GLG1: variants seen among roughly 807,000 people sequenced by gnomAD.
GLG1 encodes the protein Golgi apparatus protein 1.
A neutral mutation model predicts 160.5 loss-of-function variants in GLG1; 38 were observed. That is an observed-to-expected ratio of 0.24 (90% CI 0.18 to 0.31). The LOEUF (loss-of-function observed/expected upper bound fraction) is 0.31, where lower values mean the gene tolerates loss of function less well. Ranked by LOEUF, GLG1 falls within the 10% of genes least tolerant of loss-of-function variation. The probability of loss-of-function intolerance (pLI) is 1.00; values close to 1 mark genes in which losing one functional copy is unlikely to be tolerated. For synonymous variants in GLG1, 644 were observed against 543.4 expected, an observed-to-expected ratio of 1.19 and a Z score of -2.57; for missense variants, 1,373 against 1,505.2, an observed-to-expected ratio of 0.91 and a Z score of 1.45.
intron 22 of GLG1, among the ~76,000 whole-genome samples, chr16:74,460,112 C>A (rs2014729123): frequency 1.3e-5 from 2 of 151,918 alleles, no homozygotes; most frequent in Non-Finnish European, 2.9e-5. Flanking sequence ...ACCTCTGCCT[C>A]TCATGTTCAA....
Position 74,508,872 on chromosome 16 carries a change from C to T in GLG1, c.525G>A (p.Val175=). 6.5e-7 allele frequency: 1 copy of T among 1,539,472 alleles called. No individual in the cohort carries two copies. Residue 175 remains valine (V), a synonymous_variant, in exon 3 of 26, where the codon GTG becomes GTA. Coordinates refer to ENST00000422840, the MANE Select transcript of GLG1 (RefSeq NM_001145667.2). ...NLTTDPKFES[V]AREVCKSTIT... is the part of the protein sequence containing the mutation. ...TAGTAGATTTGCAAACCTCTCTGGC[C>T]ACAGATTCAAATTTGGGATCTGTAG...
chr16:74,452,675 G>A lies in GLG1; in HGVS notation c.*492C>T. On this transcript the variant is annotated 3_prime_UTR_variant, in exon 26 of 26. Coordinates refer to ENST00000422840, the MANE Select transcript of GLG1 (RefSeq NM_001145667.2). ...GAGATGAACGAGACACCTCAGTCATGGCACACTGGGTGGTGTGCTTCCCCT... is the reference window on the plus strand; with the variant it reads ...GAGATGAACGAGACACCTCAGTCATAGCACACTGGGTGGTGTGCTTCCCCT... 1.0e-6 allele frequency: 1 copy of A among 994,892 alleles called. No homozygotes were observed. Among genetic ancestry groups the A allele is most frequent in the Non-Finnish European group, 1.2e-6 (1 of 835,220 alleles). The allele number at this position is 994,892 out of a possible 1,614,324, so 61.6% of individuals were successfully genotyped here.
chr16:74,556,582 G>A (rs1409698175), intron 1 of GLG1, among the ~76,000 whole-genome samples: 1 of 152,046 alleles, frequency 6.6e-6, no homozygotes, highest in African/African-American at 2.4e-5. Flanking sequence ...TACTGGGGAG[G>A]CAGAGGTGTG....
At chr16:74,605,635 T>C (rs575987778) in intron 1 of GLG1, among the ~76,000 whole-genome samples, 5 of 152,188 alleles carry the variant, frequency 3.3e-5, no homozygotes, top group African/African-American at 9.6e-5. Flanking sequence ...TGCTTTTGTA[T>C]AGAATACTAG....
chr16:74,465,339 C>T (rs1218630178), intron 19 of GLG1, among the ~76,000 whole-genome samples: 1 of 152,200 alleles, frequency 6.6e-6, no homozygotes, highest in Non-Finnish European at 1.5e-5. Context: ...ATTAATCGTC[C>T]TCAAAACCAA....
At chr16:74,504,079 T>A (rs1293614014) in intron 3 of GLG1, among the ~76,000 whole-genome samples, 1 of 152,192 alleles carries the variant, frequency 6.6e-6, no homozygotes, top group Non-Finnish European at 1.5e-5. Context: ...AGCTTTGGCA[T>A]GGTCCTATGA....
At chr16:74,520,691 C>T (rs1399745314) in intron 2 of GLG1, among the ~76,000 whole-genome samples, 1 of 152,174 alleles carries the variant, frequency 6.6e-6, no homozygotes, top group East Asian at 1.9e-4. Context: ...TTTGGAAGAA[C>T]TGCATGCCAG....
At chr16:74,606,616 G>C in intron 1 of GLG1, 41 bp downstream of exon 1, 1 of 1,503,008 alleles carries the variant, frequency 6.7e-7, no homozygotes, top group Non-Finnish European at 8.9e-7. Flanking sequence ...CCTCGGGCCC[G>C]CACCAGGCCT....
At chr16:74,532,658 G>C (rs1379512066) in intron 1 of GLG1, among the ~76,000 whole-genome samples, 1 of 151,826 alleles carries the variant, frequency 6.6e-6, no homozygotes, top group African/African-American at 2.4e-5. Context: ...CGAGTAGCTG[G>C]GACTACAGGC....
intron 3 of GLG1, 104 bp downstream of exon 3, chr16:74,508,735 T>C (rs2143489428): frequency 1.6e-6 from 1 of 626,178 alleles, no homozygotes; most frequent in East Asian, 2.5e-5. Context: ...CAGATGTGAA[T>C]TCTAAGAAAA....
chr16:74,553,197 G>C (rs2018250393), intron 1 of GLG1, among the ~76,000 whole-genome samples: 1 of 149,576 alleles, frequency 6.7e-6, no homozygotes, highest in African/African-American at 2.5e-5. Flanking sequence ...TCCAACCTGG[G>C]CAACAAGAGC....
rs1237221188 is a variant in GLG1 at position 74,532,168 on chromosome 16, AAAG to A, written c.439-18_439-16del. The A allele has an allele frequency of 1.6e-6, 2 of 1,215,630 alleles. No individual in the cohort carries two copies. The highest frequency in any genetic ancestry group is 2.2e-6 in the Non-Finnish European group (2 of 930,186). 75.3% of individuals were successfully genotyped at this position (1,215,630 alleles called of 1,614,324 possible). A position where few individuals can be genotyped will look rare whatever the true frequency, so the allele number is the denominator to read the frequency against. On this transcript the variant is annotated splice_polypyrimidine_tract_variant and intron_variant, in intron 1 of 25. Coordinates refer to ENST00000422840, the MANE Select transcript of GLG1 (RefSeq NM_001145667.2). The stretch of plus-strand genomic sequence containing the variant: ...TCATTTTCAGGCTAGAAGAGAAAAA[AAAG>A]AAGAGATGATGTAAAAAAAAAAATA...
At chr16:74,469,732 C>A in intron 16 of GLG1, 2 of 498,760 alleles carry the variant, frequency 4.0e-6, no homozygotes, top group South Asian at 4.8e-5. Context: ...CCTACTTGGT[C>A]AGTTAGATGG....
chr16:74,600,431 G>A (rs1958414872), intron 1 of GLG1, among the ~76,000 whole-genome samples: 1 of 151,968 alleles, frequency 6.6e-6, no homozygotes, highest in Non-Finnish European at 1.5e-5. Flanking sequence ...AAAGTAGACA[G>A]TCCTTGCTTA....
intron 25 of GLG1, among the ~76,000 whole-genome samples, chr16:74,455,891 G>C (rs1332048371): frequency 6.6e-6 from 1 of 152,148 alleles, no homozygotes; most frequent in Non-Finnish European, 1.5e-5. Flanking sequence ...GTCCACCAAA[G>C]CGTTATGTAA....
chr16:74,580,086 G>C (rs1957904513), intron 1 of GLG1, among the ~76,000 whole-genome samples: 1 of 151,904 alleles, frequency 6.6e-6, no homozygotes, highest in Non-Finnish European at 1.5e-5. Context: ...AAAAACCTTA[G>C]GATAACTTTT....
intron 9 of GLG1, among the ~76,000 whole-genome samples, chr16:74,485,312 A>G (rs1039040945): frequency 6.6e-6 from 1 of 152,204 alleles, no homozygotes; most frequent in Non-Finnish European, 1.5e-5. Context: ...CAACTTTAGT[A>G]TTCATTTTGT....
At chr16:74,538,408 T>G (rs2017743433) in intron 1 of GLG1, among the ~76,000 whole-genome samples, 1 of 152,134 alleles carries the variant, frequency 6.6e-6, no homozygotes, top group Admixed American at 6.6e-5. Flanking sequence ...ATGTAGCTGG[T>G]CTCTAACAAA....
intron 2 of GLG1, among the ~76,000 whole-genome samples, chr16:74,531,002 G>A (rs560802205): frequency 6.6e-6 from 1 of 152,184 alleles, no homozygotes; most frequent in African/African-American, 2.4e-5. Context: ...TCTGCATTGT[G>A]AATACTTTTT....
Sources: gnomAD v4.1 joint callset for allele counts (sites outside exome capture counted in the v4.1 genomes callset) on GRCh38, gnomAD v4.1.1 for gene constraint, MANE v1.5 for transcripts, NCBI Gene and HGNC (gene_info 2026-07-23, HGNC 2026-07-21) for gene names.